Variants in MAP1B observed in about 807,000 individuals in gnomAD.
MAP1B encodes microtubule-associated protein 1B.
A neutral mutation model predicts 176.1 loss-of-function variants in MAP1B; 12 were observed. The ratio of observed to expected loss-of-function variants is 0.07; its 90% confidence interval spans 0.04 to 0.11. The LOEUF (loss-of-function observed/expected upper bound fraction) is 0.11. MAP1B is among the 10% of genes least tolerant of loss of function. MAP1B has a pLI of 1.00. For missense variants in MAP1B, 2,523 were observed against 2,990.5 expected (o/e 0.84, Z 3.65); for synonymous variants, 1,044 against 1,135.0 (o/e 0.92, Z 1.61).
rs1166158141 is a variant in MAP1B at position 72,193,978 on chromosome 5, A to G, written c.623A>G (p.Asp208Gly). Residue 208 changes from aspartate to glycine, a missense_variant, in exon 5 of 7, where the codon GAC becomes GGC. By Grantham distance (94) the Asp-to-Gly change is moderately conservative (BLOSUM62 -1). Transcript: ENST00000296755. ...NSNLDRHNLQ[D>G]FINIKLNSAS... ...AATCTTGACAGACACAATCTCCAAGACTTCATCAATATTAAACTCAATTCA... is the reference window on the plus strand; with the variant it reads ...AATCTTGACAGACACAATCTCCAAGGCTTCATCAATATTAAACTCAATTCA... 4.3e-6 allele frequency: 7 copies of G among 1,614,154 alleles called. No individual in the cohort carries two copies. Among genetic ancestry groups the G allele is most frequent in the Non-Finnish European group, 5.9e-6 (7 of 1,180,034 alleles).
Position 72,194,628 on chromosome 5 carries a change from C to T in MAP1B, c.1273C>T (p.Leu425Phe). ...MGVGKLEMYV[L>F]NPVKSSKEMQ... ...AGTAGGTAAACTTGAGATGTATGTG[C>T]TTAATCCAGTCAAGAGCAGCAAGGA... is the stretch of plus-strand genomic sequence containing the variant. Residue 425 changes from leucine (L) to phenylalanine (F), a missense_variant, in exon 5 of 7, where the codon CTT (leucine) becomes TTT (phenylalanine). Physicochemically the swap from Leu to Phe is conservative, Grantham distance 22. This residue lies in a region of MAP1B where 1,925 missense variants were observed against 2,126.0 expected (regional missense o/e 0.91). Coordinates refer to ENST00000296755, the MANE Select transcript of MAP1B (RefSeq NM_005909.5). The surrounding 1 kb of genome is among the most constrained non-coding windows in gnomAD (Gnocchi z 7.2). 1 of 1,614,092 alleles carries T rather than the reference C, an allele frequency of 6.2e-7. No homozygotes were observed. Among genetic ancestry groups the T allele is most frequent in the Non-Finnish European group, 8.5e-7 (1 of 1,180,024 alleles).
At chr5:72,174,217 T>C (rs1205337975) in intron 2 of MAP1B, among the ~76,000 whole-genome samples, 2 of 152,206 alleles carry the variant, frequency 1.3e-5, no homozygotes, top group African/African-American at 4.8e-5. Context: ...CTAACTCTTA[T>C]TGAGGAACCT....
At position 72,209,535 on chromosome 5, in the gene MAP1B, A is replaced by T. The variant is rs1019275648; in HGVS notation, c.*4296A>T. ...TGATGTAAAGGAAAAAAAAAAACTC[A>T]GTTCCACAATAAAATACAAAAGTGG... On this transcript the variant is annotated 3_prime_UTR_variant, in exon 7 of 7. Transcript: ENST00000296755. 6 of 151,872 alleles carry T rather than the reference A, an allele frequency of 4.0e-5. No individual in the cohort carries two copies. The highest frequency in any genetic ancestry group is 7.4e-5 in the Non-Finnish European group (5 of 67,974). 9.4% of individuals were successfully genotyped at this position (151,872 alleles called of 1,614,324 possible).
At chr5:72,108,703 C>A (rs548382034) in intron 1 of MAP1B, among the ~76,000 whole-genome samples, 205 of 152,240 alleles carry the variant, frequency 1.3e-3, no homozygotes, top group African/African-American at 4.8e-3. Flanking sequence ...ACTGCGGCGC[C>A]CCCGTCGGGC....
In MAP1B at chr5:72,200,358, G is replaced by A. The variant is rs370354996; in HGVS notation, c.7003G>A (p.Ala2335Thr). The change falls in exon 5 of 7, where the codon GCC (alanine) becomes ACC (threonine). Residue 2335 changes from alanine to threonine, a missense_variant. Physicochemically the swap from Ala to Thr is moderately conservative, Grantham distance 58. This residue lies in a region of MAP1B where 287 missense variants were observed against 401.5 expected (regional missense o/e 0.71). Coordinates refer to ENST00000296755, the MANE Select transcript of MAP1B (RefSeq NM_005909.5). ...CTCTGCATCCAAGTCGGCCAAGACCGCCACTGCAGGTAGGTTGAGAAGGCT... is the reference window on the plus strand; with the variant it reads ...CTCTGCATCCAAGTCGGCCAAGACCACCACTGCAGGTAGGTTGAGAAGGCT... ...NASASKSAKT[A>T]TAGPGTTKTT... 4.6e-5 allele frequency: 74 copies of A among 1,613,324 alleles called. 1 individual carries two copies. Among genetic ancestry groups the A allele is most frequent in the African/African-American group, 4.5e-4 (34 of 74,906 alleles).
At chr5:72,128,873 A>C (rs1008477915) in intron 2 of MAP1B, among the ~76,000 whole-genome samples, 2 of 152,148 alleles carry the variant, frequency 1.3e-5, no homozygotes, top group Admixed American at 1.3e-4. Context: ...GGCTGGTCTC[A>C]ATCTCCTGGC....
chr5:72,194,049 T>C lies in MAP1B; in HGVS notation c.694T>C (p.Tyr232His). The C allele has an allele frequency of 1.9e-6, 3 of 1,614,184 alleles. No individual in the cohort carries two copies. Among genetic ancestry groups the C allele is most frequent in the Non-Finnish European group, 2.5e-6 (3 of 1,180,022 alleles). Residue 232 changes from tyrosine to histidine, a missense_variant, in exon 5 of 7, where the codon TAT becomes CAT. This residue lies in a region of MAP1B where 307 missense variants were observed against 438.4 expected (regional missense o/e 0.70). Coordinates refer to ENST00000296755, the MANE Select transcript of MAP1B (RefSeq NM_005909.5). The surrounding 1 kb of genome is among the most constrained non-coding windows in gnomAD (Gnocchi z 7.2). ...EMEGLSEFTE[Y>H]LSESVEVPSP... ...GGAAGGACTTTCTGAGTTTACCGAG[T>C]ATCTCTCAGAATCAGTGGAAGTCCC...
intron 2 of MAP1B, among the ~76,000 whole-genome samples, chr5:72,155,493 T>C (rs1746211141): frequency 6.6e-6 from 1 of 152,126 alleles, no homozygotes. Context: ...AAATGAAAAA[T>C]ATAGCAGGAT....
rs771837881 is a variant in MAP1B, at chr5:72,198,666, C to G, written c.5311C>G (p.Gln1771Glu). Residue 1771 changes from glutamine (Q) to glutamate (E), a missense_variant, in exon 5 of 7, where the codon CAA (glutamine) becomes GAA (glutamate). Gln to Glu is a conservative substitution (Grantham distance 29, BLOSUM62 2). Around this residue, in one of 4 missense-constraint regions of MAP1B, gnomAD observed 1,925 missense variants for 2,126.0 expected, o/e 0.91. Coordinates refer to ENST00000296755, the MANE Select transcript of MAP1B (RefSeq NM_005909.5). Reference sequence around the variant, plus strand: ...TGCCTCACTCACCTCTGAAAAAGTGCAAAGTCTGGAAGGAGAGAAGCTCTC... The same window carrying G: ...TGCCTCACTCACCTCTGAAAAAGTGGAAAGTCTGGAAGGAGAGAAGCTCTC... ...LYASLTSEKVQSLEGEKLSPK... is the reference protein window; with the variant it reads ...LYASLTSEKVESLEGEKLSPK... The G allele has an allele frequency of 6.8e-6, 11 of 1,614,186 alleles. No individual in the cohort carries two copies. The South Asian group carries it at 1.2e-4, about 18-fold the overall frequency.
chr5:72,140,138 T>A (rs1745920950), intron 2 of MAP1B, among the ~76,000 whole-genome samples: 1 of 152,102 alleles, frequency 6.6e-6, no homozygotes, highest in Non-Finnish European at 1.5e-5. Flanking sequence ...AATTTTTGTA[T>A]TTTTTGTAGA....
At chr5:72,185,817 T>C (rs1746885242) in intron 3 of MAP1B, among the ~76,000 whole-genome samples, 1 of 152,196 alleles carries the variant, frequency 6.6e-6, no homozygotes, top group South Asian at 2.1e-4. Context: ...TGTTTACTTT[T>C]GTATCCTCCC....
rs879699021 is a variant in MAP1B at position 72,139,966 on chromosome 5, CT to C, written c.286+24180del. 7.0e-3 allele frequency among the ~76,000 whole-genome samples: 1,026 copies of C among 145,834 alleles called. 4 individuals carry two copies. The highest frequency in any genetic ancestry group is 0.018 in the African/African-American group (738 of 40,104). On this transcript the variant is annotated intron_variant, in intron 2 of 6. Coordinates refer to ENST00000296755, the MANE Select transcript of MAP1B (RefSeq NM_005909.5). The stretch of plus-strand genomic sequence containing the variant: ...ATATTGTATAAGGATGTATTACAAA[CT>C]TTTTTTTTTTTTGAGACAGGGTCTT...
At position 72,198,593 on chromosome 5, in the gene MAP1B, A is replaced by G. The variant is rs150098917; in HGVS notation, c.5238A>G (p.Gln1746=). The change falls in exon 5 of 7, where the codon CAA becomes CAG. Residue 1746 remains glutamine, a synonymous_variant. Transcript: ENST00000296755. ...HTPSQIASPL[Q]EDTLSDVAPP... ...CTTCTCAGATCGCTTCTCCTCTCCA[A>G]GAAGATACTCTATCCGATGTTGCTC... The G allele has an allele frequency of 8.6e-4, 1,396 of 1,614,096 alleles. No homozygotes were observed. The highest frequency in any genetic ancestry group is 1.1e-3 in the Non-Finnish European group (1,329 of 1,180,016).
intron 2 of MAP1B, among the ~76,000 whole-genome samples, chr5:72,182,623 T>G (rs1425739823): frequency 6.6e-6 from 1 of 152,236 alleles, no homozygotes; most frequent in Non-Finnish European, 1.5e-5. Flanking sequence ...TTTTAGCTTT[T>G]TGAAGAACTG....
intron 4 of MAP1B, among the ~76,000 whole-genome samples, chr5:72,192,369 TTG>T (rs1747043038): frequency 3.9e-5 from 6 of 152,306 alleles, no homozygotes; most frequent in South Asian, 4.1e-4. Context: ...AAAACAGGAG[TTG>T]ATTCTTATCC....
intron 3 of MAP1B, among the ~76,000 whole-genome samples, chr5:72,184,684 A>T (rs761459425): frequency 7.9e-5 from 12 of 152,134 alleles, no homozygotes; most frequent in Non-Finnish European, 1.2e-4. Context: ...CCTTTATTAT[A>T]GTTGAGCGCT....
At chr5:72,202,479 G>A (rs1233080549) in intron 5 of MAP1B, among the ~76,000 whole-genome samples, 1 of 152,188 alleles carries the variant, frequency 6.6e-6, no homozygotes, top group Non-Finnish European at 1.5e-5. Flanking sequence ...AGAATTAGCT[G>A]GTGGTTTTCA....
chr5:72,130,758 G>T (rs920184759), intron 2 of MAP1B, among the ~76,000 whole-genome samples: 3 of 152,188 alleles, frequency 2.0e-5, no homozygotes, highest in Admixed American at 6.5e-5. Flanking sequence ...TTGTGCCATT[G>T]TGGACAAGTT....
rs796802217 is a variant in MAP1B, at chr5:72,163,916, CTTTTT to C, written c.287-19818_287-19814del. ...TTCTTTTCTTTCTTTCTCTCTCTCT[CTTTTT>C]TTTTTTTTCTTTTTTTTTTTTTTTT... On this transcript the variant is annotated intron_variant, in intron 2 of 6. Coordinates refer to ENST00000296755, the MANE Select transcript of MAP1B (RefSeq NM_005909.5). Among the ~76,000 whole-genome samples the C allele has an allele frequency of 3.1e-5, 3 of 97,132 alleles. No individual in the cohort carries two copies. The East Asian group carries it at 9.0e-4, about 29-fold the overall frequency. The allele number at this position is 97,132 out of a possible 152,430, so 63.7% of individuals were successfully genotyped here. A position where few individuals can be genotyped will look rare whatever the true frequency, so the allele number is the denominator to read the frequency against.
Sources: allele counts gnomAD v4.1 joint callset (sites outside exome capture counted in the v4.1 genomes callset), GRCh38; gene constraint gnomAD v4.1.1; regional missense constraint gnomAD v4.1.1; non-coding constraint Gnocchi (gnomAD v3.1); transcripts MANE v1.5; gene names NCBI Gene and HGNC (gene_info 2026-07-23, HGNC 2026-07-21).